SELENOF: variants seen among roughly 807,000 people sequenced by gnomAD.
SELENOF encodes 15 kDa selenoprotein.
Under a neutral mutation model 20.5 loss-of-function variants are expected in SELENOF, and 16 were observed. That is an observed-to-expected ratio of 0.78 (90% CI 0.53 to 1.19). The LOEUF is 1.19. Ranked by LOEUF, SELENOF falls within the 50% of genes most tolerant of loss-of-function variation. The pLI is 0.00. For synonymous variants in SELENOF, 78 were observed against 74.5 expected (o/e 1.05, Z -0.24); for missense variants, 215 against 194.2 (o/e 1.11, Z -0.64).
chr1:86,875,652 A>C (rs1302593267), intron 3 of SELENOF, among the ~76,000 whole-genome samples: 1 of 152,244 alleles, frequency 6.6e-6, no homozygotes, highest in Non-Finnish European at 1.5e-5. Flanking sequence ...ATTAAAAAAC[A>C]AAAAACAGAA....
chr1:86,889,744 G>C (rs1250770481), intron 2 of SELENOF, among the ~76,000 whole-genome samples: 1 of 152,016 alleles, frequency 6.6e-6, no homozygotes, highest in Non-Finnish European at 1.5e-5. Context: ...TCCTGTGTTA[G>C]GGTTACCAGT....
intron 2 of SELENOF, among the ~76,000 whole-genome samples, chr1:86,899,485 G>A (rs1659618482): frequency 7.4e-6 from 1 of 135,638 alleles, no homozygotes; most frequent in South Asian, 2.2e-4. Context: ...TCCCAGTAGG[G>A]GCGGCCGGGC....
chr1:86,913,866 G>T, intron 1 of SELENOF, 162 bp downstream of exon 1: 1 of 651,378 alleles, frequency 1.5e-6, no homozygotes, highest in South Asian at 1.8e-5. Flanking sequence ...GGAAGGAGAA[G>T]GATCAACCGA....
intron 2 of SELENOF, among the ~76,000 whole-genome samples, chr1:86,898,580 C>CTTTT (rs747362493): frequency 6.4e-5 from 8 of 124,992 alleles, no homozygotes; most frequent in African/African-American, 9.7e-5. Flanking sequence ...TTCTCTTCTT[C>CTTTT]TTTTTTTTTT....
intron 2 of SELENOF, among the ~76,000 whole-genome samples, chr1:86,900,002 G>C (rs2102120974): frequency 6.6e-6 from 1 of 152,044 alleles, no homozygotes. Context: ...CGGCCGGGCA[G>C]AGACACTCCT....
chr1:86,892,333 A>C (rs1437123080), intron 2 of SELENOF, among the ~76,000 whole-genome samples: 2 of 152,034 alleles, frequency 1.3e-5, no homozygotes, highest in African/African-American at 4.8e-5. Context: ...GTTTTAAAAA[A>C]CCTTCTTTGT....
intron 2 of SELENOF, among the ~76,000 whole-genome samples, chr1:86,886,120 G>A (rs519710): frequency 0.26 from 39,358 of 151,882 alleles, 6,283 homozygotes; most frequent in African/African-American, 0.45. Flanking sequence ...ACCTTAGAGC[G>A]GAGTTCTCAA....
chr1:86,886,399 A>G (rs1007218284), intron 2 of SELENOF, among the ~76,000 whole-genome samples: 4 of 152,120 alleles, frequency 2.6e-5, no homozygotes, highest in African/African-American at 9.6e-5. Context: ...GGTAAACCAT[A>G]AACATCGACT....
At chr1:86,869,241 A>G (rs1404000138) in intron 3 of SELENOF, among the ~76,000 whole-genome samples, 1 of 152,222 alleles carries the variant, frequency 6.6e-6, no homozygotes, top group Non-Finnish European at 1.5e-5. Flanking sequence ...CACTTCTAGG[A>G]CTTTATTCTG....
chr1:86,883,522 ATAGTG>A (rs1330217019), intron 2 of SELENOF, among the ~76,000 whole-genome samples: 4 of 152,178 alleles, frequency 2.6e-5, no homozygotes, highest in Non-Finnish European at 5.9e-5. Context: ...GTGTACATAC[ATAGTG>A]TATAGTTAAA....
chr1:86,885,490 T>C (rs1162930311), intron 2 of SELENOF, among the ~76,000 whole-genome samples: 1 of 152,178 alleles, frequency 6.6e-6, no homozygotes, highest in East Asian at 1.9e-4. Context: ...AAGTGCAGTA[T>C]TTGTTAACTC....
At chr1:86,902,041 T>C (rs1440041830) in intron 2 of SELENOF, among the ~76,000 whole-genome samples, 4 of 152,200 alleles carry the variant, frequency 2.6e-5, no homozygotes, top group Non-Finnish European at 4.4e-5. Flanking sequence ...GGATGGCTCA[T>C]ACAGATTTAT....
intron 2 of SELENOF, 137 bp downstream of exon 2, chr1:86,903,144 A>T: frequency 1.4e-6 from 1 of 701,046 alleles, no homozygotes; most frequent in South Asian, 2.1e-5. Context: ...AATAGGCCAG[A>T]CAAGAAATCA....
At chr1:86,865,212 C>CCAAACAAA (rs140998471) in intron 4 of SELENOF, among the ~76,000 whole-genome samples, 1 of 151,332 alleles carries the variant, frequency 6.6e-6, no homozygotes, top group Non-Finnish European at 1.5e-5. Context: ...GCTCAGCTTA[C>CCAAACAAA]CAAACAAACA....
intron 2 of SELENOF, among the ~76,000 whole-genome samples, chr1:86,892,590 T>G (rs1659417735): frequency 6.6e-6 from 1 of 152,246 alleles, no homozygotes; most frequent in African/African-American, 2.4e-5. Flanking sequence ...TGCCATTGTC[T>G]TAAATAATGC....
At chr1:86,909,417 G>C (rs113516753) in intron 1 of SELENOF, among the ~76,000 whole-genome samples, 12 of 152,024 alleles carry the variant, frequency 7.9e-5, no homozygotes, top group African/African-American at 2.9e-4. Context: ...TTGTATTTTT[G>C]AGAGTGGTTG....
intron 3 of SELENOF, among the ~76,000 whole-genome samples, chr1:86,879,007 T>C (rs1217463084): frequency 6.6e-6 from 1 of 152,152 alleles, no homozygotes; most frequent in East Asian, 1.9e-4. Flanking sequence ...CAGTATGATA[T>C]ATATACCCAA....
chr1:86,882,750 A>C (rs1438991188), intron 2 of SELENOF, among the ~76,000 whole-genome samples: 1 of 152,204 alleles, frequency 6.6e-6, no homozygotes, highest in Non-Finnish European at 1.5e-5. Context: ...GGTGGGAAAA[A>C]ACTCATGTGT....
chr1:86,892,213 C>T (rs1231987969), intron 2 of SELENOF, among the ~76,000 whole-genome samples: 2 of 152,150 alleles, frequency 1.3e-5, no homozygotes, highest in African/African-American at 4.8e-5. Flanking sequence ...GCTGGGATTA[C>T]AGGTGTGAGC....
Sources: gnomAD v4.1 joint callset for allele counts (sites outside exome capture counted in the v4.1 genomes callset) on GRCh38, gnomAD v4.1.1 for gene constraint, MANE v1.5 for transcripts, NCBI Gene and HGNC (gene_info 2026-07-23, HGNC 2026-07-21) for gene names.